URI1: variants seen among roughly 807,000 people sequenced by gnomAD.
The protein encoded by URI1 is URI1 prefoldin like chaperone, also known as unconventional prefoldin RPB5 interactor 1.
URI1 carries 39 observed loss-of-function variants against 60.2 expected under a neutral mutation model. The ratio of observed to expected loss-of-function variants is 0.65; its 90% CI spans 0.50 to 0.85. URI1 has a LOEUF of 0.85. Among genes scored for constraint, URI1 ranks in the 40% least tolerant of loss-of-function variants. URI1 has a pLI of 0.00. For missense variants in URI1, 691 were observed against 665.9 expected, an observed-to-expected ratio of 1.04 and a Z score of -0.42; for synonymous variants, 251 against 236.8, an observed-to-expected ratio of 1.06 and a Z score of -0.55.
rs140077031 is a variant in URI1, at chr19:30,002,551, A to G, written c.368-2810A>G. Among the ~76,000 whole-genome samples the G allele has an allele frequency of 7.4e-4, 112 of 152,128 alleles. 2 individuals carry two copies. In the East Asian group the frequency reaches 0.018, roughly 25 times the overall value. ...GCCTGGTTTTGTCAGCTAAATAAAT[A>G]AAAACTATACCTCATTCTATACTTC... On this transcript the variant is annotated intron_variant, in intron 4 of 10. Transcript: ENST00000392271.
At chr19:29,923,893 G>A (rs1599640192) in intron 1 of URI1, 1 of 848,544 alleles carries the variant, frequency 1.2e-6, no homozygotes, top group East Asian at 2.7e-5. Context: ...TATAGACCTG[G>A]AAGAGGGGCT....
chr19:29,994,310 C>T (rs1411872118), intron 4 of URI1, among the ~76,000 whole-genome samples: 2 of 151,778 alleles, frequency 1.3e-5, no homozygotes, highest in African/African-American at 2.4e-5. Context: ...TCCTCCCCTC[C>T]CCTCCCTTCC....
rs1324456123 is a variant in URI1, at chr19:29,951,558, T to C, written c.117+8894T>C. The stretch of plus-strand genomic sequence containing the variant: ...GCTGGCTCAAGCATGCATTCTTTTT[T>C]TTTTTTTTTGAGACAGAGTTTCTTG... On this transcript the variant is annotated intron_variant, in intron 1 of 10. Transcript: ENST00000392271. Among the ~76,000 whole-genome samples, 5 of 152,054 alleles carry C rather than the reference T, an allele frequency of 3.3e-5. No homozygotes were observed. In the South Asian group the frequency reaches 1.0e-3, roughly 31 times the overall value.
At position 29,954,741 on chromosome 19, in the gene URI1, C is replaced by A. The variant is rs138349262; in HGVS notation, c.117+12077C>A. Among the ~76,000 whole-genome samples the A allele has an allele frequency of 5.4e-3, 819 of 152,134 alleles. 11 individuals are homozygous for A. Among genetic ancestry groups the A allele is most frequent in the African/African-American group, 0.019 (782 of 41,486 alleles). On this transcript the variant is annotated intron_variant, in intron 1 of 10. Coordinates refer to ENST00000392271, the MANE Select transcript of URI1 (RefSeq NM_003796.3). ...CCATGTTCGCCAGGGTGGTTTCAAA[C>A]TCCTGACCTCAGGTGATCTGCCCGC...
intron 1 of URI1, among the ~76,000 whole-genome samples, chr19:29,963,418 G>T (rs978475955): frequency 2.6e-5 from 4 of 151,986 alleles, no homozygotes; most frequent in Non-Finnish European, 4.4e-5. Flanking sequence ...TGGTTCTTCA[G>T]TTGTACAATT....
At chr19:30,000,054 C>T (rs1426307711) in intron 4 of URI1, among the ~76,000 whole-genome samples, 1 of 151,524 alleles carries the variant, frequency 6.6e-6, no homozygotes, top group Non-Finnish European at 1.5e-5. Flanking sequence ...TTTTACATGT[C>T]CTCCCTGTCT....
Position 29,956,373 on chromosome 19 carries a change from T to C in URI1, c.117+13709T>C, listed in dbSNP as rs530991875. ...TATCACAAGTATGTCTTAGGAGTCA[T>C]CTGGCATCTTCTTTCTGTAGCTGGA... On this transcript the variant is annotated intron_variant, in intron 1 of 10. Coordinates refer to ENST00000392271, the MANE Select transcript of URI1 (RefSeq NM_003796.3). 1.8e-5 allele frequency: 23 copies of C among 1,281,052 alleles called. 1 individual carries two copies. The highest frequency in any genetic ancestry group is 2.8e-4 in the Middle Eastern group (1 of 3,530). 79.4% of individuals were successfully genotyped at this position (1,281,052 alleles called of 1,614,324 possible). A position where few individuals can be genotyped will look rare whatever the true frequency, so the allele number is the denominator to read the frequency against.
intron 1 of URI1, among the ~76,000 whole-genome samples, chr19:29,961,592 CT>C (rs2055324476): frequency 6.6e-6 from 1 of 150,788 alleles, no homozygotes; most frequent in African/African-American, 2.4e-5. Context: ...CTTGGGTTGC[CT>C]CTACCTTATG....
chr19:30,003,354 T>C (rs746241896), intron 4 of URI1, among the ~76,000 whole-genome samples: 7 of 152,066 alleles, frequency 4.6e-5, no homozygotes, highest in African/African-American at 1.7e-4. Context: ...AATAGAGATA[T>C]ATATCTGCAT....
At chr19:29,950,452 T>A (rs565916772) in intron 1 of URI1, among the ~76,000 whole-genome samples, 1 of 152,360 alleles carries the variant, frequency 6.6e-6, no homozygotes. Flanking sequence ...TACAACTGTT[T>A]ATTTGAAAAA....
intron 2 of URI1, among the ~76,000 whole-genome samples, chr19:29,972,372 A>G (rs1386150722): frequency 1.3e-5 from 2 of 152,128 alleles, no homozygotes; most frequent in Admixed American, 6.5e-5. Context: ...AGTTCAGGTT[A>G]AAACTTGAAA....
intron 1 of URI1, among the ~76,000 whole-genome samples, chr19:29,967,796 C>T (rs2055408263): frequency 6.6e-6 from 1 of 152,186 alleles, no homozygotes; most frequent in African/African-American, 2.4e-5. Context: ...TAAAACTGGT[C>T]TCATCTCTTA....
intron 4 of URI1, among the ~76,000 whole-genome samples, chr19:29,999,125 A>G (rs1188831756): frequency 6.6e-6 from 1 of 152,116 alleles, no homozygotes; most frequent in Non-Finnish European, 1.5e-5. Flanking sequence ...CACAAATTAT[A>G]TCTTTATATA....
At chr19:30,014,833 T>G in intron 10 of URI1, 54 bp from the exon 11 acceptor site, 3 of 1,517,652 alleles carry the variant, frequency 2.0e-6, no homozygotes, top group Non-Finnish European at 2.7e-6. Flanking sequence ...ATGGGAAGAT[T>G]TTGTGGGTGT....
At chr19:29,929,988 G>A (rs967225904) in intron 1 of URI1, among the ~76,000 whole-genome samples, 1 of 147,898 alleles carries the variant, frequency 6.8e-6, no homozygotes, top group African/African-American at 2.5e-5. Context: ...CTCCCAGGGT[G>A]GAGTGCAGTG....
At chr19:30,011,423 G>C (rs1056127139) in intron 9 of URI1, among the ~76,000 whole-genome samples, 187 bp downstream of exon 9, 2 of 151,954 alleles carry the variant, frequency 1.3e-5, no homozygotes, top group Admixed American at 6.6e-5. Context: ...CAGTGGGAAT[G>C]GAGGATTTTT....
chr19:29,931,345 A>G (rs1019198784), intron 1 of URI1, among the ~76,000 whole-genome samples: 5 of 152,196 alleles, frequency 3.3e-5, no homozygotes, highest in Non-Finnish European at 5.9e-5. Context: ...TGGAAAAGCC[A>G]GTTTCTCATG....
intron 1 of URI1, among the ~76,000 whole-genome samples, chr19:29,942,972 A>G (rs1255702744): frequency 6.6e-6 from 1 of 152,182 alleles, no homozygotes; most frequent in Non-Finnish European, 1.5e-5. Context: ...TAATATTTGT[A>G]GCTTGTAATG....
chr19:29,962,050 A>G (rs1305754971), intron 1 of URI1, among the ~76,000 whole-genome samples: 1 of 151,942 alleles, frequency 6.6e-6, no homozygotes, highest in Non-Finnish European at 1.5e-5. Flanking sequence ...TCTGTGTTTA[A>G]TTTTTAAGGA....
Sources: allele counts gnomAD v4.1 joint callset (sites outside exome capture counted in the v4.1 genomes callset), GRCh38; gene constraint gnomAD v4.1.1; transcripts MANE v1.5; gene names NCBI Gene and HGNC (gene_info 2026-07-23, HGNC 2026-07-21).